Variants in UNC119B observed in about 807,000 individuals in gnomAD.
The protein encoded by UNC119B is protein unc-119 homolog B.
A neutral mutation model predicts 23.4 loss-of-function variants in UNC119B; 16 were observed. The ratio of observed to expected loss-of-function variants is 0.68; its 90% CI spans 0.46 to 1.04. The LOEUF (loss-of-function observed/expected upper bound fraction) is 1.04. UNC119B is among the 50% of genes least tolerant of loss of function. The pLI is 0.00. For synonymous variants in UNC119B, 144 were observed against 145.4 expected, an observed-to-expected ratio of 0.99 and a Z score of 0.07; for missense variants, 350 against 361.3, an observed-to-expected ratio of 0.97 and a Z score of 0.25.
rs576473460 is a variant in UNC119B, at chr12:120,719,939, T to C, written c.663T>C (p.Asn221=). ...SEDVIRLMIE[N]PYETRSDSFY... is the part of the protein sequence containing the mutation. ...TTGCAGTTCGTCTAATGATTGAAAA[T>C]CCTTACGAGACCCGCTCTGACAGCT... The change falls in exon 5 of 5, where the codon AAT becomes AAC. Residue 221 remains asparagine, a synonymous_variant. Coordinates refer to ENST00000344651, the MANE Select transcript of UNC119B (RefSeq NM_001080533.3). The C allele has an allele frequency of 1.2e-6, 2 of 1,614,090 alleles. No homozygotes were observed. Among genetic ancestry groups the C allele is most frequent in the East Asian group, 4.5e-5 (2 of 44,880 alleles).
rs1187480881 is a variant in UNC119B, at chr12:120,717,114, G to T, written c.643+72G>T. The T allele has an allele frequency of 1.3e-5, 19 of 1,442,886 alleles. No individual in the cohort carries two copies. In the East Asian group the frequency reaches 2.8e-4, roughly 21 times the overall value. The allele number at this position is 1,442,886 out of a possible 1,614,324, so 89.4% of individuals were successfully genotyped here. On this transcript the variant is annotated intron_variant, in intron 4 of 4. Coordinates refer to ENST00000344651, the MANE Select transcript of UNC119B (RefSeq NM_001080533.3). ...AAGGAACAAACCTTGAAACCCATCT[G>T]GTCCAGCGCCCTGGCATTGTCTCGT...
rs1312051552 is a variant in UNC119B at position 120,716,881 on chromosome 12, C to T, written c.482C>T (p.Thr161Ile). The change falls in exon 4 of 5, where the codon ACA becomes ATA. Residue 161 changes from threonine (T) to isoleucine (I), a missense_variant. Physicochemically the swap from Thr to Ile is moderately conservative, Grantham distance 89 (BLOSUM62 -1). Transcript: ENST00000344651. ...LRTVGATVEF[T>I]VGDKPVSNFR... is the part of the protein sequence containing the mutation. ...GATTTATTTTCCAGGGTGGAGTTCA[C>T]AGTGGGAGACAAACCTGTTTCAAAC... is the stretch of plus-strand genomic sequence containing the variant. The T allele has an allele frequency of 1.2e-6, 2 of 1,610,242 alleles. No homozygotes were observed. Among genetic ancestry groups the T allele is most frequent in the Admixed American group, 3.3e-5 (2 of 59,832 alleles).
rs890375549 is a variant in UNC119B, at chr12:120,721,060, G to A, written c.*1028G>A. ...CTGCACTGCACAGCCTGGAGGATTG[G>A]CTTTTGATGGGGATTTGCCTCCGAA... is the stretch of plus-strand genomic sequence containing the variant. On this transcript the variant is annotated 3_prime_UTR_variant, in exon 5 of 5. Coordinates refer to ENST00000344651, the MANE Select transcript of UNC119B (RefSeq NM_001080533.3). The A allele has an allele frequency of 6.6e-6, 1 of 152,164 alleles. No homozygotes were observed. Among genetic ancestry groups the A allele is most frequent in the Non-Finnish European group, 1.5e-5 (1 of 68,036 alleles). The allele number at this position is 152,164 out of a possible 1,614,324, so 9.4% of individuals were successfully genotyped here.
intron 1 of UNC119B, 129 bp downstream of exon 1, chr12:120,710,847 C>G: frequency 1.1e-6 from 1 of 909,202 alleles, no homozygotes. Flanking sequence ...GCCGCGCTTC[C>G]CGCTGCCCCG....
chr12:120,717,614 G>A (rs1882809171), intron 4 of UNC119B, among the ~76,000 whole-genome samples: 1 of 151,456 alleles, frequency 6.6e-6, no homozygotes, highest in African/African-American at 2.4e-5. Context: ...CCAGGCTGGA[G>A]TGCAGTGGCG....
At position 120,713,368 on chromosome 12, in the gene UNC119B, T is replaced by C. The variant is rs768198320; in HGVS notation, c.339T>C (p.Ile113=). Residue 113 remains isoleucine, a synonymous_variant, in exon 2 of 5, where the codon ATT becomes ATC. Coordinates refer to ENST00000344651, the MANE Select transcript of UNC119B (RefSeq NM_001080533.3). The stretch of plus-strand genomic sequence containing the variant: ...AGACAGGGACAGTACTTTTTGAGAT[T>C]GCCAAACCTTGCGTTTCAGGTAGGC... ...DLETGTVLFE[I]AKPCVSDQEE... 1.2e-6 allele frequency: 2 copies of C among 1,614,080 alleles called. No individual in the cohort carries two copies. The highest frequency in any genetic ancestry group is 1.7e-6 in the Non-Finnish European group (2 of 1,179,910).
At chr12:120,710,820 C>G (rs997818114) in intron 1 of UNC119B, 102 bp downstream of exon 1, 2 of 1,148,928 alleles carry the variant, frequency 1.7e-6, no homozygotes, top group Non-Finnish European at 2.2e-6. Flanking sequence ...CCCCGCCAGA[C>G]CCCCTCGGCC....
At position 120,716,706 on chromosome 12, in the gene UNC119B, C is replaced by G; in HGVS notation, c.437C>G (p.Pro146Arg). The change falls in exon 3 of 5, where the codon CCG becomes CGG. Residue 146 changes from proline (P) to arginine (R), a missense_variant. Physicochemically the swap from Pro to Arg is moderately radical, Grantham distance 103. Transcript: ENST00000344651. ...AGRFVRYQFT[P>R]AFLRLRTVGA... ...CGTTTTGTCCGCTATCAGTTCACAC[C>G]GGCATTTCTCCGCCTCCGGACAGTC... 1.2e-6 allele frequency: 2 copies of G among 1,614,142 alleles called. No homozygotes were observed. Among genetic ancestry groups the G allele is most frequent in the Non-Finnish European group, 1.7e-6 (2 of 1,180,034 alleles).
Position 120,721,521 on chromosome 12 carries a change from G to A in UNC119B, c.*1489G>A, listed in dbSNP as rs1227438930. 6.6e-6 allele frequency: 1 copy of A among 152,448 alleles called. No individual in the cohort carries two copies. Among genetic ancestry groups the A allele is most frequent in the Admixed American group, 6.5e-5 (1 of 15,290 alleles). 9.4% of individuals were successfully genotyped at this position (152,448 alleles called of 1,614,324 possible). On this transcript the variant is annotated 3_prime_UTR_variant, in exon 5 of 5. Coordinates refer to ENST00000344651, the MANE Select transcript of UNC119B (RefSeq NM_001080533.3). ...GGGGGCCAGGGATGGAAGAGACAGT[G>A]TGTGGCCACAGAAATTCCTGTCCAT...
intron 2 of UNC119B, 100 bp downstream of exon 2, chr12:120,713,487 G>A: frequency 1.1e-6 from 1 of 881,706 alleles, no homozygotes; most frequent in Non-Finnish European, 1.8e-6. Flanking sequence ...TTGGACTCCA[G>A]TGTGTCCCAC....
chr12:120,713,677 C>T (rs566012197), intron 2 of UNC119B, among the ~76,000 whole-genome samples: 2 of 152,308 alleles, frequency 1.3e-5, no homozygotes, highest in African/African-American at 2.4e-5. Context: ...TGTTTTACAG[C>T]GAAGGATCTG....
chr12:120,719,250 C>G (rs531888583), intron 4 of UNC119B, among the ~76,000 whole-genome samples: 2 of 152,256 alleles, frequency 1.3e-5, no homozygotes, highest in African/African-American at 4.8e-5. Flanking sequence ...CAAAACTGAT[C>G]AGAGGTAGTG....
rs1332228313 is a variant in UNC119B at position 120,723,343 on chromosome 12, T to G, written c.*3311T>G. On this transcript the variant is annotated 3_prime_UTR_variant, in exon 5 of 5. Transcript: ENST00000344651. ...ACCATTGTGTTACTCACATTCCATG[T>G]CACAGAACATATCAGCCTCAAGAAG... 3 of 153,708 alleles carry G rather than the reference T, an allele frequency of 2.0e-5. No individual in the cohort carries two copies. The highest frequency in any genetic ancestry group is 7.2e-5 in the African/African-American group (3 of 41,514). The allele number at this position is 153,708 out of a possible 1,614,324, so 9.5% of individuals were successfully genotyped here.
chr12:120,717,154 G>C lies in UNC119B; in HGVS notation c.643+112G>C, dbSNP rs571216009. 1.8e-5 allele frequency: 19 copies of C among 1,072,194 alleles called. No homozygotes were observed. The East Asian group carries it at 4.6e-4, about 26-fold the overall frequency. The allele number at this position is 1,072,194 out of a possible 1,614,324, so 66.4% of individuals were successfully genotyped here. On this transcript the variant is annotated intron_variant, in intron 4 of 4. Coordinates refer to ENST00000344651, the MANE Select transcript of UNC119B (RefSeq NM_001080533.3). ...CATTGTCTCGTGGCAGTGCTGACAT[G>C]ATGCGTATCTAGTCATTTGACCTCA...
At chr12:120,713,798 C>T (rs1882717373) in intron 2 of UNC119B, among the ~76,000 whole-genome samples, 1 of 152,230 alleles carries the variant, frequency 6.6e-6, no homozygotes, top group Non-Finnish European at 1.5e-5. Context: ...ATGAGGAAAA[C>T]TCACCTGAGC....
chr12:120,713,457 G>T, intron 2 of UNC119B, 70 bp downstream of exon 2: 1 of 1,162,704 alleles, frequency 8.6e-7, no homozygotes, highest in Non-Finnish European at 1.3e-6. Context: ...AAATCTTTGT[G>T]TGCCACTGCA....
In UNC119B at chr12:120,710,726, C is replaced by T. The variant is rs1882645007; in HGVS notation, c.244+8C>T. On this transcript the variant is annotated splice_region_variant and intron_variant, in intron 1 of 4. Coordinates refer to ENST00000344651, the MANE Select transcript of UNC119B (RefSeq NM_001080533.3). ...TCAGCCGGGTCACCGAGAGTGAGTG[C>T]CGCGCGGGCCGCGCCCTCCCCTCGC... The T allele has an allele frequency of 2.2e-6, 3 of 1,359,094 alleles. No homozygotes were observed. The highest frequency in any genetic ancestry group is 2.8e-6 in the Non-Finnish European group (3 of 1,059,112). The allele number at this position is 1,359,094 out of a possible 1,614,324, so 84.2% of individuals were successfully genotyped here. A position where few individuals can be genotyped will look rare whatever the true frequency, so the allele number is the denominator to read the frequency against.
At chr12:120,719,845 T>G in intron 4 of UNC119B, 75 bp from the exon 5 acceptor site, 1 of 1,050,026 alleles carries the variant, frequency 9.5e-7, no homozygotes, top group South Asian at 1.3e-5. Flanking sequence ...ATGCAAAGTT[T>G]TCTCCCACCT....
chr12:120,718,159 C>T (rs1463691374), intron 4 of UNC119B, among the ~76,000 whole-genome samples: 10 of 152,296 alleles, frequency 6.6e-5, no homozygotes, highest in Admixed American at 4.6e-4. Context: ...TGAGCCACTG[C>T]GCCCGGCCGG....
Sources: gnomAD v4.1 joint callset for allele counts (sites outside exome capture counted in the v4.1 genomes callset) on GRCh38, gnomAD v4.1.1 for gene constraint, MANE v1.5 for transcripts, NCBI Gene and HGNC (gene_info 2026-07-23, HGNC 2026-07-21) for gene names.